ZRANB3: variants seen among roughly 807,000 people sequenced by gnomAD.
The protein encoded by ZRANB3 is zinc finger RANBP2-type containing 3.
A neutral mutation model predicts 133.8 loss-of-function variants in ZRANB3; 125 were observed. The ratio of observed to expected loss-of-function variants is 0.93; its 90% CI spans 0.81 to 1.08. ZRANB3 has a LOEUF of 1.08. ZRANB3 is among the 50% of genes least tolerant of loss of function. The pLI, the probability that ZRANB3 is intolerant of heterozygous loss-of-function variation, is 0.00. For synonymous variants in ZRANB3, 387 were observed against 432.7 expected (o/e 0.89, Z 1.31); for missense variants, 1,229 against 1,275.5 (o/e 0.96, Z 0.56).
At chr2:135,343,475 T>C (rs1680091946) in intron 6 of ZRANB3, among the ~76,000 whole-genome samples, 1 of 149,726 alleles carries the variant, frequency 6.7e-6, no homozygotes, top group African/African-American at 2.6e-5. Flanking sequence ...CTGATTTTGG[T>C]ATTAAGTGTT....
At chr2:135,478,703 A>C (rs1163786801) in intron 2 of ZRANB3, among the ~76,000 whole-genome samples, 2 of 152,120 alleles carry the variant, frequency 1.3e-5, no homozygotes, top group Non-Finnish European at 2.9e-5. Flanking sequence ...CACTATGTGA[A>C]TATACCATGA....
chr2:135,489,038 G>C (rs1447888156), intron 2 of ZRANB3, among the ~76,000 whole-genome samples: 1 of 151,802 alleles, frequency 6.6e-6, no homozygotes, highest in Non-Finnish European at 1.5e-5. Context: ...CTATAACATT[G>C]CTCTAGCCCA....
At chr2:135,353,766 T>C in intron 3 of ZRANB3, 138 bp from the exon 4 acceptor site, 7 of 488,110 alleles carry the variant, frequency 1.4e-5, no homozygotes, top group African/African-American at 2.0e-5. Context: ...TTTGGGAGGC[T>C]GATGCAGGTG....
intron 2 of ZRANB3, among the ~76,000 whole-genome samples, chr2:135,466,164 C>T (rs932952202): frequency 1.7e-4 from 26 of 152,166 alleles, no homozygotes; most frequent in African/African-American, 4.8e-4. Context: ...AGGCAGATCA[C>T]CTGAGGTCAG....
At chr2:135,469,125 C>G (rs930288577) in intron 2 of ZRANB3, among the ~76,000 whole-genome samples, 1 of 152,094 alleles carries the variant, frequency 6.6e-6, no homozygotes, top group Non-Finnish European at 1.5e-5. Flanking sequence ...CCCTGCTGAT[C>G]AAATTAAGTT....
chr2:135,457,501 T>C (rs1690581004), intron 2 of ZRANB3, among the ~76,000 whole-genome samples: 1 of 152,160 alleles, frequency 6.6e-6, no homozygotes, highest in African/African-American at 2.4e-5. Context: ...GCCATCCTCA[T>C]GGGTAAGATT....
chr2:135,352,103 G>A (rs1685233750), intron 4 of ZRANB3, among the ~76,000 whole-genome samples: 1 of 151,938 alleles, frequency 6.6e-6, no homozygotes, highest in South Asian at 2.1e-4. Context: ...AGGCTGAGGT[G>A]GGTGGATCAC....
chr2:135,496,384 TAA>T (rs56770947), intron 2 of ZRANB3, among the ~76,000 whole-genome samples: 219 of 33,254 alleles, frequency 6.6e-3, no homozygotes, highest in African/African-American at 0.014. Context: ...AACTCCATCT[TAA>T]AAAAAAAAAA....
At chr2:135,309,702 T>C (rs1446965848) in intron 8 of ZRANB3, among the ~76,000 whole-genome samples, 1 of 151,938 alleles carries the variant, frequency 6.6e-6, no homozygotes, top group East Asian at 1.9e-4. Context: ...CTAGAGAACA[T>C]TGTGGGGATA....
At chr2:135,235,396 C>T (rs968221563) in intron 12 of ZRANB3, among the ~76,000 whole-genome samples, 2 of 152,128 alleles carry the variant, frequency 1.3e-5, no homozygotes, top group African/African-American at 2.4e-5. Flanking sequence ...GAAACTATTC[C>T]AATCAATAGA....
rs571459629 is a variant in ZRANB3 at position 135,446,282 on chromosome 2, G to A, written c.162-55462C>T. ...GTTCATCCAGGGTATTAGGGGAGAC[G>A]ATAAAATACAGGGGTAAAAAAGCAG... On this transcript the variant is annotated intron_variant, in intron 2 of 20. Transcript: ENST00000264159. Among the ~76,000 whole-genome samples, 8 of 152,068 alleles carry A rather than the reference G, an allele frequency of 5.3e-5. 2 individuals carry two copies. In the South Asian group the frequency reaches 1.5e-3, roughly 28 times the overall value.
intron 8 of ZRANB3, among the ~76,000 whole-genome samples, chr2:135,306,094 C>A (rs1682681345): frequency 6.6e-6 from 1 of 152,122 alleles, no homozygotes; most frequent in South Asian, 2.1e-4. Context: ...AGTCTTTGAG[C>A]TTCCTGTATC....
rs569317587 is a variant in ZRANB3, at chr2:135,243,924, A to T, written c.1540-12997T>A. 2.1e-3 allele frequency among the ~76,000 whole-genome samples: 308 copies of T among 146,366 alleles called. 3 individuals are homozygous for T. The highest frequency in any genetic ancestry group is 3.5e-3 in the Middle Eastern group (1 of 284). On this transcript the variant is annotated intron_variant, in intron 12 of 20. Coordinates refer to ENST00000264159, the MANE Select transcript of ZRANB3 (RefSeq NM_032143.4). ...CATGAGCCACCATGCCCGGCCTTAAATTTTTTTTTTTTTAAGAAGAGCAAA... is the reference window on the plus strand; with the variant it reads ...CATGAGCCACCATGCCCGGCCTTAATTTTTTTTTTTTTTAAGAAGAGCAAA...
rs185342014 is a variant in ZRANB3, at chr2:135,332,102, A to G, written c.677+13448T>C. 1.0e-3 allele frequency among the ~76,000 whole-genome samples: 159 copies of G among 152,300 alleles called. 1 individual carries two copies. The highest frequency in any genetic ancestry group is 6.8e-3 in the Middle Eastern group (2 of 294). ...ACTTTGTAAAAATAATTAGATCTATAGACAAGAGTAGAAATAAAAAATGAA... is the reference window on the plus strand; with the variant it reads ...ACTTTGTAAAAATAATTAGATCTATGGACAAGAGTAGAAATAAAAAATGAA... On this transcript the variant is annotated intron_variant, in intron 6 of 20. Coordinates refer to ENST00000264159, the MANE Select transcript of ZRANB3 (RefSeq NM_032143.4).
chr2:135,293,793 T>C (rs1041169745), intron 8 of ZRANB3, among the ~76,000 whole-genome samples: 3 of 150,252 alleles, frequency 2.0e-5, no homozygotes, highest in Non-Finnish European at 3.0e-5. Context: ...TTATTGAGAG[T>C]GTTTAGCATG....
At chr2:135,330,051 TC>T (rs1226969110) in intron 6 of ZRANB3, among the ~76,000 whole-genome samples, 1 of 152,204 alleles carries the variant, frequency 6.6e-6, no homozygotes, top group African/African-American at 2.4e-5. Flanking sequence ...TTTATTTCTT[TC>T]TCTTGCCTGA....
Position 135,353,376 on chromosome 2 carries a change from T to C in ZRANB3, c.359+74A>G, listed in dbSNP as rs567631536. 8.7e-5 allele frequency: 92 copies of C among 1,054,468 alleles called. No individual in the cohort carries two copies. The South Asian group carries it at 1.2e-3, about 14-fold the overall frequency. 65.3% of individuals were successfully genotyped at this position (1,054,468 alleles called of 1,614,324 possible). ...ATTATTATCTATTGGTGATATTGCA[T>C]TCTAAAACATGAATATATACCAGGT... On this transcript the variant is annotated intron_variant, in intron 4 of 20. Transcript: ENST00000264159.
chr2:135,434,077 G>A lies in ZRANB3; in HGVS notation c.162-43257C>T, dbSNP rs141981024. Among the ~76,000 whole-genome samples, 453 of 152,250 alleles carry A rather than the reference G, an allele frequency of 3.0e-3. 3 individuals are homozygous for A. The highest frequency in any genetic ancestry group is 0.01 in the African/African-American group (421 of 41,544). On this transcript the variant is annotated intron_variant, in intron 2 of 20. Coordinates refer to ENST00000264159, the MANE Select transcript of ZRANB3 (RefSeq NM_032143.4). ...CTCGGGAGGCTGAGGCAGGAGAATC[G>A]CTTGAACCCAGGAGGCACGGGTTGC... is the stretch of plus-strand genomic sequence containing the variant.
At chr2:135,259,958 C>T (rs1389222090) in intron 12 of ZRANB3, among the ~76,000 whole-genome samples, 3 of 151,972 alleles carry the variant, frequency 2.0e-5, no homozygotes, top group Non-Finnish European at 4.4e-5. Flanking sequence ...AAAGAAAAGG[C>T]CCTAAAGAGG....
Sources: gnomAD v4.1 joint callset for allele counts (sites outside exome capture counted in the v4.1 genomes callset) on GRCh38, gnomAD v4.1.1 for gene constraint, MANE v1.5 for transcripts, NCBI Gene and HGNC (gene_info 2026-07-23, HGNC 2026-07-21) for gene names.